SMARCD3: variants seen among roughly 807,000 people sequenced by gnomAD.
SMARCD3 encodes SWI/SNF related BAF chromatin remodeling complex subunit D3, also known as SWI/SNF-related matrix-associated actin-dependent regulator of chromatin subfamily D member 3.
In SMARCD3, 14 loss-of-function variants were observed where a neutral mutation model predicts 58.0. The observed-to-expected ratio is 0.24, with a 90% CI of 0.16 to 0.38. The LOEUF is 0.38. SMARCD3 is among the 10% of genes least tolerant of loss of function. The pLI is 1.00. For missense variants in SMARCD3, 408 were observed against 636.9 expected (o/e 0.64, Z 3.87); for synonymous variants, 253 against 253.8 (o/e 1.00, Z 0.03).
upstream of SMARCD3, among the ~76,000 whole-genome samples, chr7:151,251,193 C>T (rs1803497792): frequency 6.6e-6 from 1 of 152,002 alleles, no homozygotes; most frequent in Non-Finnish European, 1.5e-5. Flanking sequence ...TATGGTGAAG[C>T]CCCTGTGGAG....
In SMARCD3 at chr7:151,242,991, AC is replaced by A. The variant is rs1339962633; in HGVS notation, c.334-149del. On this transcript the variant is annotated intron_variant, in intron 3 of 12. Transcript: ENST00000262188. This position sits in a 1 kb window ranked among gnomAD's most constrained non-coding sequence, Gnocchi z 4.7. The stretch of plus-strand genomic sequence containing the variant: ...ATGTAGCTTTGACAGTGGGAACAGG[AC>A]CTCTCCCCAGGATGCCATTATCCAG... 4.7e-6 allele frequency: 4 copies of A among 857,652 alleles called. No individual in the cohort carries two copies. The highest frequency in any genetic ancestry group is 7.1e-6 in the Non-Finnish European group (4 of 563,416). The allele number at this position is 857,652 out of a possible 1,614,324, so 53.1% of individuals were successfully genotyped here.
At chr7:151,260,858 C>T (rs115261977) in intron 2 of SMARCD3, among the ~76,000 whole-genome samples, 89 of 152,282 alleles carry the variant, frequency 5.8e-4, no homozygotes, top group African/African-American at 2.1e-3. Flanking sequence ...CTTGGAGAAC[C>T]AGGCAAACGT....
chr7:151,248,783 C>T (rs1803404814), upstream of SMARCD3: 5 of 767,336 alleles, frequency 6.5e-6, no homozygotes, highest in African/African-American at 1.9e-5. The surrounding 1 kb of genome is among the most constrained non-coding windows in gnomAD (Gnocchi z 6.1). Context: ...CCGCGGCTGC[C>T]GCATTCCTGC....
chr7:151,251,694 G>A (rs1303837694), upstream of SMARCD3, among the ~76,000 whole-genome samples: 1 of 152,056 alleles, frequency 6.6e-6, no homozygotes, highest in Non-Finnish European at 1.5e-5. Context: ...GGGGCAGGCC[G>A]TGCGCCTGTC....
chr7:151,261,942 G>A (rs1803930821), intron 2 of SMARCD3, among the ~76,000 whole-genome samples: 1 of 152,206 alleles, frequency 6.6e-6, no homozygotes, highest in African/African-American at 2.4e-5. Flanking sequence ...CTTGGGCAGA[G>A]AGCAGCCACA....
In SMARCD3 at chr7:151,248,210, T is replaced by A. The variant is rs530291513; in HGVS notation, c.78+275A>T. Among the ~76,000 whole-genome samples, 1 of 137,350 alleles carries A rather than the reference T, an allele frequency of 7.3e-6. No homozygotes were observed. The highest frequency in any genetic ancestry group is 1.5e-5 in the Non-Finnish European group (1 of 65,074). The allele number at this position is 137,350 out of a possible 152,430, so 90.1% of individuals were successfully genotyped here. ...CCTGTCGGCTACAGCGAGGACCCCC[T>A]ACTTGGGGGGTAGAGTCCCCAAGTC... On this transcript the variant is annotated intron_variant, in intron 1 of 12. Coordinates refer to ENST00000262188, the MANE Select transcript of SMARCD3 (RefSeq NM_001003801.2). The surrounding 1 kb of genome is among the most constrained non-coding windows in gnomAD (Gnocchi z 6.1).
In SMARCD3 at chr7:151,262,670, C is replaced by T. The variant is rs561917261; in HGVS notation, c.39+12444G>A. On this transcript the variant is annotated intron_variant, in intron 2 of 13. Transcript: ENST00000356800. ...TGTGCCAGGTGTGTCCTTAGGGCCC[C>T]GCGGGAGCAGGGAGGAGGGGCCCCT... is the stretch of plus-strand genomic sequence containing the variant. Among the ~76,000 whole-genome samples, 20 of 152,308 alleles carry T rather than the reference C, an allele frequency of 1.3e-4. No individual in the cohort carries two copies. The South Asian group carries it at 2.1e-3, about 16-fold the overall frequency.
chr7:151,249,305 G>GT (rs1717468711), upstream of SMARCD3: 1 of 152,190 alleles, frequency 6.6e-6, no homozygotes, highest in Non-Finnish European at 1.5e-5. This position sits in a 1 kb window ranked among gnomAD's most constrained non-coding sequence, Gnocchi z 4.8. Context: ...CTCACACGCC[G>GT]TGTGTGTCCG....
In SMARCD3 at chr7:151,245,086, G is replaced by A. The variant is rs1803189120; in HGVS notation, c.290+374C>T. On this transcript the variant is annotated intron_variant, in intron 2 of 12. Transcript: ENST00000262188. The surrounding 1 kb of genome is among the most constrained non-coding windows in gnomAD (Gnocchi z 6.2). ...GGCTCAGCGGAGAACCACACTTTGG[G>A]GAACACAGTCCTACACCTCTGCCCT... Among the ~76,000 whole-genome samples, 1 of 152,160 alleles carries A rather than the reference G, an allele frequency of 6.6e-6. No individual in the cohort carries two copies. Among genetic ancestry groups the A allele is most frequent in the Admixed American group, 6.5e-5 (1 of 15,282 alleles).
chr7:151,248,754 C>CCCGCCG (rs563262664), upstream of SMARCD3: 75 of 1,041,694 alleles, frequency 7.2e-5, no homozygotes, highest in African/African-American at 2.6e-4. This position sits in a 1 kb window ranked among gnomAD's most constrained non-coding sequence, Gnocchi z 6.1. Flanking sequence ...CCGCCGCCCG[C>CCCGCCG]CCGCCGCCGC....
In SMARCD3 at chr7:151,239,767, G is replaced by A. The variant is rs768235560; in HGVS notation, c.1174-21C>T. ...TGGATCTGCAGGTAGAAAGATAGAT[G>A]CTTTCCACCTGGCTTTGGTGATGTG... On this transcript the variant is annotated intron_variant, in intron 10 of 12. Transcript: ENST00000262188. This position sits in a 1 kb window ranked among gnomAD's most constrained non-coding sequence, Gnocchi z 7.0. The A allele has an allele frequency of 1.9e-6, 3 of 1,613,242 alleles. No individual in the cohort carries two copies. In the South Asian group the frequency reaches 3.3e-5, roughly 18 times the overall value.
At chr7:151,259,136 GA>G (rs1179055162) in intron 2 of SMARCD3, among the ~76,000 whole-genome samples, 1 of 152,014 alleles carries the variant, frequency 6.6e-6, no homozygotes, top group Non-Finnish European at 1.5e-5. Context: ...TAGATCACCT[GA>G]GGTCAGGAGT....
Position 151,238,954 on chromosome 7 carries a change from C to T in SMARCD3, c.*149G>A. The T allele has an allele frequency of 1.9e-6, 2 of 1,047,252 alleles. No individual in the cohort carries two copies. Among genetic ancestry groups the T allele is most frequent in the South Asian group, 1.4e-5 (1 of 72,234 alleles). 64.9% of individuals were successfully genotyped at this position (1,047,252 alleles called of 1,614,324 possible). On this transcript the variant is annotated 3_prime_UTR_variant, in exon 13 of 13. Transcript: ENST00000262188. ...TCTCTCCCCCTCCCCTCCCCAGTTT[C>T]CAATGACCACACGGCTGCTGTCAGA...
intron 2 of SMARCD3, among the ~76,000 whole-genome samples, chr7:151,272,095 T>C (rs1416369318): frequency 6.6e-6 from 1 of 152,212 alleles, no homozygotes; most frequent in African/African-American, 2.4e-5. Flanking sequence ...GCCTTAGCCC[T>C]AGGAAGCAGT....
rs757814913 is a variant in SMARCD3 at position 151,242,559 on chromosome 7, A to G, written c.501T>C (p.Pro167=). The G allele has an allele frequency of 8.1e-6, 13 of 1,613,960 alleles. No individual in the cohort carries two copies. The highest frequency in any genetic ancestry group is 1.1e-5 in the Non-Finnish European group (13 of 1,179,990). ...CGGAATCCTCAGCATCAGGCTTCGC[A>G]GGGTTAAAAGTGTTGGAGATATAGA... ...LRLYISNTFN[P]AKPDAEDSDG... The change falls in exon 5 of 13, where the codon CCT becomes CCC. Residue 167 remains proline, a synonymous_variant. Coordinates refer to ENST00000262188, the MANE Select transcript of SMARCD3 (RefSeq NM_001003801.2). This position sits in a 1 kb window ranked among gnomAD's most constrained non-coding sequence, Gnocchi z 4.7.
intron 2 of SMARCD3, among the ~76,000 whole-genome samples, chr7:151,258,863 C>T (rs1417366898): frequency 2.6e-5 from 4 of 152,106 alleles, no homozygotes; most frequent in Admixed American, 2.6e-4. Flanking sequence ...CCTCACCTCC[C>T]AAAAGCCTTT....
chr7:151,257,919 C>T (rs765831391), intron 2 of SMARCD3, among the ~76,000 whole-genome samples: 52 of 152,174 alleles, frequency 3.4e-4, no homozygotes, highest in Non-Finnish European at 3.7e-4. Flanking sequence ...AGTCCTTGGA[C>T]GCATCTATCC....
In SMARCD3 at chr7:151,248,412, CCCCTCCCGATCAG is replaced by C. The variant is rs1456564495; in HGVS notation, c.78+60_78+72del. The C allele has an allele frequency of 7.7e-7, 1 of 1,303,788 alleles. No homozygotes were observed. The highest frequency in any genetic ancestry group is 1.1e-6 in the Non-Finnish European group (1 of 909,164). The allele number at this position is 1,303,788 out of a possible 1,614,324, so 80.8% of individuals were successfully genotyped here. On this transcript the variant is annotated intron_variant, in intron 1 of 12. Coordinates refer to ENST00000262188, the MANE Select transcript of SMARCD3 (RefSeq NM_001003801.2). The surrounding 1 kb of genome is among the most constrained non-coding windows in gnomAD (Gnocchi z 6.1). ...TGGGAGAGCGGGAGCGCCCTCCCGG[CCCCTCCCGATCAG>C]CCCTCCATTCAGCCCGAGCCAGCTC...
rs1008826249 is a variant in SMARCD3 at position 151,238,961 on chromosome 7, C to T, written c.*142G>A. 1.9e-6 allele frequency: 2 copies of T among 1,064,998 alleles called. No individual in the cohort carries two copies. The highest frequency in any genetic ancestry group is 1.4e-5 in the South Asian group (1 of 73,716). The allele number at this position is 1,064,998 out of a possible 1,614,324, so 66.0% of individuals were successfully genotyped here. On this transcript the variant is annotated 3_prime_UTR_variant, in exon 13 of 13. Coordinates refer to ENST00000262188, the MANE Select transcript of SMARCD3 (RefSeq NM_001003801.2). ...CCCTCCCCTCCCCAGTTTCCAATGACCACACGGCTGCTGTCAGATGAATGA... is the reference window on the plus strand; with the variant it reads ...CCCTCCCCTCCCCAGTTTCCAATGATCACACGGCTGCTGTCAGATGAATGA...
Sources: gnomAD v4.1 joint callset for allele counts (sites outside exome capture counted in the v4.1 genomes callset) on GRCh38, gnomAD v4.1.1 for gene constraint, Gnocchi (gnomAD v3.1) non-coding constraint, MANE v1.5 for transcripts, NCBI Gene and HGNC (gene_info 2026-07-23, HGNC 2026-07-21) for gene names.